SGK2: variants seen among roughly 807,000 people sequenced by gnomAD.
SGK2 encodes serine/threonine-protein kinase Sgk2.
A neutral mutation model predicts 47.5 loss-of-function variants in SGK2; 36 were observed. That is an observed-to-expected ratio of 0.76 (90% CI 0.58 to 1.00). SGK2 has a LOEUF of 1.00. Ranked by LOEUF, SGK2 falls within the 50% of genes least tolerant of loss-of-function variation. The probability of loss-of-function intolerance (pLI) is 0.00; values close to 1 mark genes in which losing one functional copy is unlikely to be tolerated. For missense variants in SGK2, 404 were observed against 467.4 expected (o/e 0.86, Z 1.25); for synonymous variants, 157 against 181.9 (o/e 0.86, Z 1.10).
intron 12 of SGK2, among the ~76,000 whole-genome samples, chr20:43,584,269 T>C (rs923221186): frequency 6.6e-6 from 1 of 152,188 alleles, no homozygotes; most frequent in Non-Finnish European, 1.5e-5. Flanking sequence ...TTGTGTCATA[T>C]TTGGTAATGT....
At position 43,571,076 on chromosome 20, in the gene SGK2, T is replaced by G. The variant is rs992696417; in HGVS notation, c.510+16T>G. On this transcript the variant is annotated intron_variant, in intron 8 of 12. Transcript: ENST00000373100. ...GGACTGCCAGGTTGGTGTGTGTGTGTGTGTGTGTGTGTGTGTGTGTGTGTG... is the reference window on the plus strand; with the variant it reads ...GGACTGCCAGGTTGGTGTGTGTGTGGGTGTGTGTGTGTGTGTGTGTGTGTG... 76 of 1,578,012 alleles carry G rather than the reference T, an allele frequency of 4.8e-5. No homozygotes were observed. Among genetic ancestry groups the G allele is most frequent in the Middle Eastern group, 2.0e-4 (1 of 4,984 alleles).
rs1276043259 is a variant in SGK2 at position 43,571,153 on chromosome 20, T to C, written c.510+93T>C. On this transcript the variant is annotated intron_variant, in intron 8 of 12. Coordinates refer to ENST00000373100, the MANE Select transcript of SGK2 (RefSeq NM_170693.3). ...GACCATGAGTCTGTGTACATGGGTG[T>C]GCATGCATTGTACATGTATGCATAT... 8 of 1,580,022 alleles carry C rather than the reference T, an allele frequency of 5.1e-6. No homozygotes were observed. In the African/African-American group the frequency reaches 9.5e-5, roughly 19 times the overall value.
At chr20:43,566,744 C>T (rs1158681492) in intron 2 of SGK2, among the ~76,000 whole-genome samples, 3 of 152,108 alleles carry the variant, frequency 2.0e-5, no homozygotes, top group Non-Finnish European at 2.9e-5. Context: ...ACACCTGGGT[C>T]GTATCCCAAC....
At chr20:43,579,406 G>A (rs1980658734) in intron 11 of SGK2, among the ~76,000 whole-genome samples, 1 of 152,122 alleles carries the variant, frequency 6.6e-6, no homozygotes, top group Non-Finnish European at 1.5e-5. Context: ...GAGAAACACA[G>A]ATAGAGGATG....
chr20:43,577,952 G>T (rs1189284753), intron 11 of SGK2, among the ~76,000 whole-genome samples: 1 of 152,020 alleles, frequency 6.6e-6, no homozygotes, highest in Non-Finnish European at 1.5e-5. Context: ...GCCAGCACTT[G>T]CTTTTTACAA....
Position 43,576,344 on chromosome 20 carries a change from G to A in SGK2, c.814G>A (p.Asp272Asn), listed in dbSNP as rs1980462802. 1 of 1,614,108 alleles carries A rather than the reference G, an allele frequency of 6.2e-7. No individual in the cohort carries two copies. The highest frequency in any genetic ancestry group is 1.3e-5 in the African/African-American group (1 of 74,952). The change falls in exon 11 of 13, where the codon GAC (aspartate) becomes AAC (asparagine). Residue 272 changes from aspartate to asparagine, a missense_variant. Transcript: ENST00000373100. Reference protein sequence around the residue: ...CDLLQSLLHKDQRQRLGSKAD... With the variant: ...CDLLQSLLHKNQRQRLGSKAD... The stretch of plus-strand genomic sequence containing the variant: ...CCTCCTGCAAAGCCTTCTCCACAAG[G>A]ACCAGAGGCAGCGGCTGGGCTCCAA...
At chr20:43,561,590 A>T (rs146969986) in intron 1 of SGK2, among the ~76,000 whole-genome samples, 2 of 151,794 alleles carry the variant, frequency 1.3e-5, no homozygotes, top group South Asian at 2.1e-4. Flanking sequence ...GGGTTTCACC[A>T]TGTTGGCCAG....
intron 12 of SGK2, chr20:43,583,450 A>T: frequency 8.5e-7 from 1 of 1,174,308 alleles, no homozygotes; most frequent in Non-Finnish European, 1.1e-6. Flanking sequence ...TGATCTTGGA[A>T]CTCTGAGTGC....
intron 9 of SGK2, among the ~76,000 whole-genome samples, chr20:43,573,522 T>G (rs539825722): frequency 6.8e-6 from 1 of 148,012 alleles, no homozygotes; most frequent in East Asian, 2.0e-4. Flanking sequence ...TTATTTGAAC[T>G]CCCACCAGTC....
intron 12 of SGK2, 66 bp from the exon 13 acceptor site, chr20:43,584,786 G>T: frequency 7.4e-7 from 1 of 1,350,396 alleles, no homozygotes; most frequent in South Asian, 1.2e-5. Context: ...CCCTCTCTGA[G>T]GATCTGGGCT....
intron 1 of SGK2, 124 bp from the exon 2 acceptor site, chr20:43,566,349 T>G: frequency 6.2e-7 from 1 of 1,613,256 alleles, no homozygotes; most frequent in Non-Finnish European, 8.5e-7. Flanking sequence ...TAGGAAACCC[T>G]CAGGCGGTGG....
At chr20:43,584,333 T>C (rs1400678482) in intron 12 of SGK2, among the ~76,000 whole-genome samples, 2 of 152,114 alleles carry the variant, frequency 1.3e-5, no homozygotes, top group African/African-American at 2.4e-5. Flanking sequence ...AATGGAGAAA[T>C]AGACTCCACC....
At chr20:43,569,264 G>C in intron 5 of SGK2, 121 bp from the exon 6 acceptor site, 1 of 1,282,326 alleles carries the variant, frequency 7.8e-7, no homozygotes, top group Non-Finnish European at 1.1e-6. Flanking sequence ...GGGTGTTTGA[G>C]CAGGGGCATG....
At position 43,570,861 on chromosome 20, in the gene SGK2, C is replaced by T. The variant is rs1980065847; in HGVS notation, c.473+132C>T. 1.4e-5 allele frequency: 18 copies of T among 1,297,512 alleles called. No homozygotes were observed. The South Asian group carries it at 2.2e-4, about 16-fold the overall frequency. 80.4% of individuals were successfully genotyped at this position (1,297,512 alleles called of 1,614,324 possible). ...TTGTTTTGGGTGGGGTTGGAGTCTC[C>T]TCCTCCGAGGTCCAAGTGCCCAGCC... On this transcript the variant is annotated intron_variant, in intron 7 of 12. Coordinates refer to ENST00000373100, the MANE Select transcript of SGK2 (RefSeq NM_170693.3).
At position 43,575,011 on chromosome 20, in the gene SGK2, CA is replaced by C. The variant is rs1402626051; in HGVS notation, c.693+8del. The C allele has an allele frequency of 2.5e-6, 4 of 1,603,938 alleles. No individual in the cohort carries two copies. The highest frequency in any genetic ancestry group is 3.4e-6 in the Non-Finnish European group (4 of 1,171,372). ...CGAGATGCTCCATGGCCTGGTGAGT[CA>C]GGGGTAGCCATCTACAAGGGCCATC... On this transcript the variant is annotated splice_region_variant and intron_variant, in intron 10 of 12. Transcript: ENST00000373100.
At chr20:43,559,455 C>A (rs546020194) in intron 1 of SGK2, among the ~76,000 whole-genome samples, 52 of 152,114 alleles carry the variant, frequency 3.4e-4, no homozygotes, top group Non-Finnish European at 6.2e-4. Flanking sequence ...AATTCCAGGC[C>A]GTGGGCTTTG....
intron 8 of SGK2, among the ~76,000 whole-genome samples, chr20:43,571,462 G>A (rs878872333): frequency 6.6e-6 from 1 of 152,218 alleles, no homozygotes; most frequent in Non-Finnish European, 1.5e-5. Flanking sequence ...CACCTGCATT[G>A]TAGTTACCAG....
At chr20:43,578,312 C>T (rs903977931) in intron 11 of SGK2, among the ~76,000 whole-genome samples, 5 of 151,998 alleles carry the variant, frequency 3.3e-5, no homozygotes, top group South Asian at 2.1e-4. Context: ...TGGCGAAACC[C>T]GGTCTCTACT....
intron 7 of SGK2, 75 bp from the exon 8 acceptor site, chr20:43,570,949 C>T (rs1212257845): frequency 1.2e-6 from 2 of 1,607,446 alleles, no homozygotes; most frequent in Non-Finnish European, 1.7e-6. Context: ...CCAGGACCAC[C>T]CCCCGCCCAG....
Sources: allele counts gnomAD v4.1 joint callset (sites outside exome capture counted in the v4.1 genomes callset), GRCh38; gene constraint gnomAD v4.1.1; transcripts MANE v1.5; gene names NCBI Gene and HGNC (gene_info 2026-07-23, HGNC 2026-07-21).